ATM: variants seen among roughly 807,000 people sequenced by gnomAD.
The protein encoded by ATM is serine-protein kinase ATM.
ATM carries 308 observed loss-of-function variants against 387.0 expected under a neutral mutation model. That is an observed-to-expected ratio of 0.80 (90% CI 0.73 to 0.87). The LOEUF (loss-of-function observed/expected upper bound fraction) is 0.87. Ranked by LOEUF, ATM falls within the 40% of genes least tolerant of loss-of-function variation. The probability of loss-of-function intolerance (pLI) is 0.00; values close to 1 mark genes in which losing one functional copy is unlikely to be tolerated. For missense variants in ATM, 3,312 were observed against 3,560.9 expected (o/e 0.93, Z 1.78); for synonymous variants, 1,156 against 1,187.3 (o/e 0.97, Z 0.54).
In ATM at chr11:108,253,989, C is replaced by T. The variant is rs765965513; in HGVS notation, c.2074C>T (p.Arg692Cys). 2.5e-5 allele frequency: 41 copies of T among 1,613,776 alleles called. No homozygotes were observed. In the Middle Eastern group the frequency reaches 4.9e-4, roughly 19 times the overall value. ...VHQNLKESLD[R>C]CLLGLSEQLL... ...CCAGAATCTCAAGGAATCACTGGAT[C>T]GCTGTCTTCTGGGATTATCAGAACA... Residue 692 changes from arginine to cysteine, a missense_variant, in exon 13 of 63, where the codon CGC becomes TGC. Physicochemically the swap from Arg to Cys is radical, Grantham distance 180 (BLOSUM62 -3). Around this residue, in one of 4 missense-constraint regions of ATM, gnomAD observed 1,791 missense variants for 1,804.5 expected, o/e 0.99. Coordinates refer to ENST00000675843, the MANE Select transcript of ATM (RefSeq NM_000051.4).
chr11:108,349,897 G>A (rs2088977130), intron 59 of ATM, among the ~76,000 whole-genome samples: 1 of 152,176 alleles, frequency 6.6e-6, no homozygotes, highest in Admixed American at 6.5e-5. Flanking sequence ...AGGCATGTTA[G>A]CTTTTCTGCT....
At chr11:108,321,770 G>C (rs1290584292) in intron 45 of ATM, among the ~76,000 whole-genome samples, 2 of 151,110 alleles carry the variant, frequency 1.3e-5, no homozygotes, top group African/African-American at 2.4e-5. Flanking sequence ...CTGGGCAACA[G>C]AGCGAGACTC....
intron 5 of ATM, among the ~76,000 whole-genome samples, chr11:108,242,959 C>T (rs941580241): frequency 5.9e-5 from 9 of 152,146 alleles, no homozygotes; most frequent in East Asian, 1.9e-4. Context: ...GTGGCTTATG[C>T]GTGTAATCCT....
Position 108,317,646 on chromosome 11 carries a change from TATATATACACAC to T in ATM, c.6347+127_6347+138del, listed in dbSNP as rs1451025469. 4.3e-3 allele frequency: 615 copies of T among 141,892 alleles called. 3 individuals are homozygous for T. The highest frequency in any genetic ancestry group is 5.5e-3 in the Non-Finnish European group (444 of 81,402). 8.8% of individuals were successfully genotyped at this position (141,892 alleles called of 1,614,324 possible). A position where few individuals can be genotyped will look rare whatever the true frequency, so the allele number is the denominator to read the frequency against. ...ATATATATATATATATATATATATA[TATATATACACAC>T]ACACACACACACACACTATATATAT... is the stretch of plus-strand genomic sequence containing the variant. On this transcript the variant is annotated intron_variant, in intron 43 of 62. Transcript: ENST00000675843.
In ATM at chr11:108,244,853, T is replaced by C. The variant is rs786202096; in HGVS notation, c.728T>C (p.Leu243Ser). The change falls in exon 7 of 63, where the codon TTG (leucine) becomes TCG (serine). Residue 243 changes from leucine to serine, a missense_variant. Transcript: ENST00000675843. The stretch of plus-strand genomic sequence containing the variant: ...GCTCTTACTATCTTCCTCAAGACTT[T>C]GGCTGTCAACTTTCGAATTCGAGTG... ...LAALTIFLKT[L>S]AVNFRIRVCE... is the part of the protein sequence containing the mutation. 1.9e-5 allele frequency: 30 copies of C among 1,613,814 alleles called. No individual in the cohort carries two copies. The highest frequency in any genetic ancestry group is 2.5e-5 in the Non-Finnish European group (30 of 1,179,938).
chr11:108,356,766 TG>T (rs2089979778), intron 61 of ATM, among the ~76,000 whole-genome samples: 1 of 152,174 alleles, frequency 6.6e-6, no homozygotes, highest in Non-Finnish European at 1.5e-5. Context: ...AAACTGCTTA[TG>T]GACTTCACTT....
chr11:108,292,066 T>C (rs972435006), intron 29 of ATM, among the ~76,000 whole-genome samples: 3 of 152,206 alleles, frequency 2.0e-5, no homozygotes, highest in African/African-American at 7.2e-5. Context: ...CCCATATCTT[T>C]TGTAGCTGGT....
In ATM at chr11:108,368,803, G is replaced by A. The variant is rs956622250; in HGVS notation, c.*3295G>A. ...TAATCAGTAGGTTCACAAACTCTTG[G>A]TCATTATAGTATATGCCTAAAATGT... On this transcript the variant is annotated 3_prime_UTR_variant, in exon 63 of 63. Coordinates refer to ENST00000675843, the MANE Select transcript of ATM (RefSeq NM_000051.4). The A allele has an allele frequency of 4.8e-6, 1 of 206,892 alleles. No homozygotes were observed. Among genetic ancestry groups the A allele is most frequent in the Non-Finnish European group, 9.9e-6 (1 of 101,432 alleles). 12.8% of individuals were successfully genotyped at this position (206,892 alleles called of 1,614,324 possible).
In ATM at chr11:108,256,263, G is replaced by A. The variant is rs1272918725; in HGVS notation, c.2173G>A (p.Val725Ile). 1 of 1,610,760 alleles carries A rather than the reference G, an allele frequency of 6.2e-7. No homozygotes were observed. Among genetic ancestry groups the A allele is most frequent in the South Asian group, 1.1e-5 (1 of 90,746 alleles). Residue 725 changes from valine (V) to isoleucine (I), a missense_variant, in exon 14 of 63, where the codon GTC becomes ATC. By Grantham distance (29) the Val-to-Ile change is conservative. This residue lies in a region of ATM where 1,791 missense variants were observed against 1,804.5 expected (regional missense o/e 0.99). Coordinates refer to ENST00000675843, the MANE Select transcript of ATM (RefSeq NM_000051.4). ...CCGGTGTTCACGTCTTTTGGTGGGT[G>A]TCCTTGGCTGCTACTGTTACATGGG... ...LVRCSRLLVG[V>I]LGCYCYMGVI...
At position 108,331,950 on chromosome 11, in the gene ATM, CAG is replaced by C. The variant is rs759965045; in HGVS notation, c.7705_7706del (p.Asp2569Ter). On this transcript the variant is annotated frameshift_variant, in exon 52 of 63. Transcript: ENST00000675843. LOFTEE classifies it high-confidence loss of function. ...TTATACTGGCCTTAGCAAATGCAAA[CAG>C]AGATGAATTTCTGACTAAACCAGAG... ...FIILALANAN[R>X]DEFLTKPEVA... The C allele has an allele frequency of 5.0e-6, 8 of 1,613,816 alleles. No individual in the cohort carries two copies. The Admixed American group carries it at 8.3e-5, about 17-fold the overall frequency.
intron 16 of ATM, among the ~76,000 whole-genome samples, chr11:108,266,635 T>TA (rs538064638): frequency 2.6e-5 from 4 of 151,772 alleles, no homozygotes; most frequent in African/African-American, 9.7e-5. Context: ...TAAAGTGTAA[T>TA]AAAAAAAATA....
chr11:108,304,893 T>G, intron 37 of ATM, 41 bp downstream of exon 37: 1 of 1,594,108 alleles, frequency 6.3e-7, no homozygotes, highest in Non-Finnish European at 8.6e-7. Flanking sequence ...GTAAACTCAG[T>G]TCTAGAGAAA....
At chr11:108,292,946 C>T (rs2082883455) in intron 30 of ATM, among the ~76,000 whole-genome samples, 153 bp downstream of exon 30, 2 of 151,950 alleles carry the variant, frequency 1.3e-5, no homozygotes, top group Admixed American at 6.6e-5. Flanking sequence ...ATGAATTAAC[C>T]TTTGTAATCA....
At chr11:108,351,942 C>A (rs1265593103) in intron 59 of ATM, among the ~76,000 whole-genome samples, 1 of 152,164 alleles carries the variant, frequency 6.6e-6, no homozygotes, top group Non-Finnish European at 1.5e-5. Context: ...TTCAGCCCTA[C>A]TCAGCTATAG....
chr11:108,364,991 T>C (rs2137855986), intron 61 of ATM, 91 bp from the exon 62 acceptor site: 2 of 1,458,782 alleles, frequency 1.4e-6, no homozygotes, highest in Non-Finnish European at 1.9e-6. Context: ...ACCATGTGAC[T>C]GGCTTATTTG....
In ATM at chr11:108,279,513, G is replaced by A. The variant is rs1555090114; in HGVS notation, c.3307G>A (p.Asp1103Asn). 6.2e-7 allele frequency: 1 copy of A among 1,612,496 alleles called. No individual in the cohort carries two copies. Among genetic ancestry groups the A allele is most frequent in the Non-Finnish European group, 8.5e-7 (1 of 1,179,020 alleles). Residue 1103 changes from aspartate to asparagine, a missense_variant, in exon 23 of 63, where the codon GAT (aspartate) becomes AAT (asparagine). By Grantham distance (23) the Asp-to-Asn change is conservative. Transcript: ENST00000675843. ...INRLFQDTKG[D>N]SSRLLKALPL... ...AAGATTGTTCCAGGACACGAAGGGA[G>A]ATTCTTCCAGGTTACTGAAAGCACT...
chr11:108,281,294 G>T (rs1209190959), intron 24 of ATM, 126 bp downstream of exon 24: 1 of 970,350 alleles, frequency 1.0e-6, no homozygotes. Flanking sequence ...TTTTTAGGTT[G>T]GGAATATTGG....
rs1322644961 is a variant in ATM at position 108,343,793 on chromosome 11, AC to A, written c.8418+423del. 3.3e-5 allele frequency among the ~76,000 whole-genome samples: 5 copies of A among 152,050 alleles called. No homozygotes were observed. The East Asian group carries it at 9.6e-4, about 29-fold the overall frequency. On this transcript the variant is annotated intron_variant, in intron 57 of 62. Coordinates refer to ENST00000675843, the MANE Select transcript of ATM (RefSeq NM_000051.4). ...AAGACCCCATCTCTAAAAAACAAAC[AC>A]AGTAAACAACAACAACAACAAGATT...
chr11:108,301,658 C>A lies in ATM; in HGVS notation c.5188C>A (p.Arg1730=), dbSNP rs764389018. 1.9e-6 allele frequency: 3 copies of A among 1,613,346 alleles called. No homozygotes were observed. In the South Asian group the frequency reaches 3.3e-5, roughly 18 times the overall value. The part of the protein sequence containing the change: ...NTLVEDCVKV[R]SAAVTCLKNI... ...AATTGTTTTTTTCAGTGTCAAAGTTCGATCAGCAGCTGTTACCTGTTTGAA... is the reference window on the plus strand; with the variant it reads ...AATTGTTTTTTTCAGTGTCAAAGTTAGATCAGCAGCTGTTACCTGTTTGAA... Residue 1730 remains arginine, a synonymous_variant, in exon 35 of 63, where the codon CGA becomes AGA. Coordinates refer to ENST00000675843, the MANE Select transcript of ATM (RefSeq NM_000051.4).
Sources: gnomAD v4.1 joint callset for allele counts (sites outside exome capture counted in the v4.1 genomes callset) on GRCh38, gnomAD v4.1.1 for gene constraint, gnomAD v4.1.1 regional missense constraint, MANE v1.5 for transcripts, NCBI Gene and HGNC (gene_info 2026-07-23, HGNC 2026-07-21) for gene names.